LLGL2: variants seen among roughly 807,000 people sequenced by gnomAD.
LLGL2 encodes the protein LLGL scribble cell polarity complex component 2.
Under a neutral mutation model 123.2 loss-of-function variants are expected in LLGL2, and 81 were observed. The ratio of observed to expected loss-of-function variants is 0.66; its 90% confidence interval spans 0.55 to 0.79. The LOEUF is 0.79. Ranked by LOEUF, LLGL2 falls within the 30% of genes least tolerant of loss-of-function variation. The pLI is 0.00. For synonymous variants in LLGL2, 577 were observed against 594.1 expected (o/e 0.97, Z 0.42); for missense variants, 1,273 against 1,414.6 (o/e 0.90, Z 1.61).
chr17:75,555,828 C>T (rs1382085940), intron 2 of LLGL2, among the ~76,000 whole-genome samples: 1 of 152,140 alleles, frequency 6.6e-6, no homozygotes, highest in Non-Finnish European at 1.5e-5. Flanking sequence ...AAGATCAGCT[C>T]GCAGGGGTGG....
rs954347628 is a variant in LLGL2 at position 75,559,521 on chromosome 17, A to T, written c.530+111A>T. Reference sequence around the variant, plus strand: ...CTGTCATTTCTCTGCTGGGAATTCCATGGGGCTATAGCAGGGGAGGCTCTT... The same window carrying T: ...CTGTCATTTCTCTGCTGGGAATTCCTTGGGGCTATAGCAGGGGAGGCTCTT... On this transcript the variant is annotated intron_variant, in intron 6 of 25. Coordinates refer to ENST00000392550, the MANE Select transcript of LLGL2 (RefSeq NM_001031803.2). This position sits in a 1 kb window ranked among gnomAD's most constrained non-coding sequence, Gnocchi z 4.6. The T allele has an allele frequency of 4.4e-6, 6 of 1,362,772 alleles. No homozygotes were observed. In the African/African-American group the frequency reaches 8.7e-5, roughly 20 times the overall value. The allele number at this position is 1,362,772 out of a possible 1,614,324, so 84.4% of individuals were successfully genotyped here. A position where few individuals can be genotyped will look rare whatever the true frequency, so the allele number is the denominator to read the frequency against.
chr17:75,554,855 C>T (rs1213581121), intron 2 of LLGL2, among the ~76,000 whole-genome samples: 3 of 148,598 alleles, frequency 2.0e-5, no homozygotes, highest in Non-Finnish European at 4.4e-5. Context: ...CACCACTGCA[C>T]TCCAGCCTGG....
rs1568052399 is a variant in LLGL2 at position 75,558,926 on chromosome 17, ACCTCCTCCATCCGCACCC to A, written c.371+301_372-307del. 5.6e-4 allele frequency: 63 copies of A among 111,752 alleles called. No individual in the cohort carries two copies. The highest frequency in any genetic ancestry group is 5.1e-4 in the Non-Finnish European group (29 of 56,992). The allele number at this position is 111,752 out of a possible 1,614,324, so 6.9% of individuals were successfully genotyped here. On this transcript the variant is annotated intron_variant, in intron 5 of 25. Transcript: ENST00000392550. This position sits in a 1 kb window ranked among gnomAD's most constrained non-coding sequence, Gnocchi z 4.0. ...ACCACGCCTCCTCCATCCGCACCCC[ACCTCCTCCATCCGCACCC>A]CGCCTCCTCCATCCGCACCCCGCCT...
At position 75,549,762 on chromosome 17, in the gene LLGL2, A is replaced by G. The variant is rs9911128; in HGVS notation, c.75+6261A>G. Among the ~76,000 whole-genome samples the G allele has an allele frequency of 0.32, 48,771 of 152,054 alleles. 8,800 individuals carry two copies. Among genetic ancestry groups the G allele is most frequent in the South Asian group, 0.57 (2,761 of 4,814 alleles). ...TGAGGAGTGCCAGGGACTCCTCCTC[A>G]GGTCCTAGCCCTTGGGCAGGGTCCT... On this transcript the variant is annotated intron_variant, in intron 2 of 25. Coordinates refer to ENST00000392550, the MANE Select transcript of LLGL2 (RefSeq NM_001031803.2). The surrounding 1 kb of genome is among the most constrained non-coding windows in gnomAD (Gnocchi z 4.0).
chr17:75,534,210 G>A (rs1042567141), intron 1 of LLGL2, among the ~76,000 whole-genome samples: 1 of 152,272 alleles, frequency 6.6e-6, no homozygotes, highest in Admixed American at 6.5e-5. Flanking sequence ...CCCCCAGAAT[G>A]GGGGTGCGTT....
At position 75,573,236 on chromosome 17, in the gene LLGL2, G is replaced by A. The variant is rs563930463; in HGVS notation, c.2683G>A (p.Val895Ile). The A allele has an allele frequency of 1.7e-5, 27 of 1,609,558 alleles. No individual in the cohort carries two copies. The highest frequency in any genetic ancestry group is 3.3e-5 in the Admixed American group (2 of 59,928). The change falls in exon 20 of 26, where the codon GTC becomes ATC. Residue 895 changes from valine to isoleucine, a missense_variant. Physicochemically the swap from Val to Ile is conservative, Grantham distance 29. Transcript: ENST00000392550. ...CTACAGCTGCATCCGCCGGGAGGAC[G>A]TCAGTGGCATCGCCTCCTGCGTCTT... is the stretch of plus-strand genomic sequence containing the variant. ...VRYSCIRRED[V>I]SGIASCVFTK...
At chr17:75,565,408 C>CA (rs770576019) in intron 10 of LLGL2, among the ~76,000 whole-genome samples, 1 of 152,234 alleles carries the variant, frequency 6.6e-6, no homozygotes, top group African/African-American at 2.4e-5. Context: ...TCTGTGTACT[C>CA]ACGGCCTCTA....
intron 8 of LLGL2, 71 bp downstream of exon 8, chr17:75,563,534 C>T: frequency 6.3e-7 from 1 of 1,587,830 alleles, no homozygotes; most frequent in East Asian, 2.2e-5. Context: ...TTGCTCAATT[C>T]TGAAGCAAAC....
intron 8 of LLGL2, 89 bp downstream of exon 8, chr17:75,563,552 C>T (rs2055318927): frequency 1.3e-6 from 2 of 1,561,000 alleles, no homozygotes; most frequent in Non-Finnish European, 1.7e-6. Flanking sequence ...AACTCCAGGG[C>T]CAGAGAGGGT....
intron 17 of LLGL2, 52 bp from the exon 18 acceptor site, chr17:75,571,615 C>A: frequency 7.1e-7 from 1 of 1,398,922 alleles, no homozygotes; most frequent in Non-Finnish European, 1.0e-6. Context: ...TTGCCCAGCT[C>A]CACCCGACTC....
At chr17:75,550,768 G>A (rs1441955440) in intron 2 of LLGL2, among the ~76,000 whole-genome samples, 1 of 124,684 alleles carries the variant, frequency 8.0e-6, no homozygotes, top group Non-Finnish European at 1.6e-5. Flanking sequence ...GCAACAGAGT[G>A]AGACCCTGTC....
intron 6 of LLGL2, 137 bp from the exon 7 acceptor site, chr17:75,562,879 G>A (rs1025760340): frequency 4.4e-5 from 49 of 1,122,416 alleles, no homozygotes; most frequent in Non-Finnish European, 5.5e-5. Context: ...CATCCACTGC[G>A]CCCAGCCCCT....
Position 75,565,558 on chromosome 17 carries a change from G to A in LLGL2, c.1036+1051G>A, listed in dbSNP as rs945996109. 2.0e-5 allele frequency among the ~76,000 whole-genome samples: 3 copies of A among 152,322 alleles called. No individual in the cohort carries two copies. The South Asian group carries it at 6.2e-4, about 32-fold the overall frequency. On this transcript the variant is annotated intron_variant, in intron 10 of 25. Coordinates refer to ENST00000392550, the MANE Select transcript of LLGL2 (RefSeq NM_001031803.2). ...TGGGCCATGTTGGCACAGAGCGGGG[G>A]CCTCTTGGGCTATGGTGGCCACACT...
At chr17:75,528,858 A>C (rs2053671129) in intron 1 of LLGL2, among the ~76,000 whole-genome samples, 1 of 152,136 alleles carries the variant, frequency 6.6e-6, no homozygotes, top group Non-Finnish European at 1.5e-5. Context: ...AAAGTGTAAA[A>C]TTAGAGAGCA....
chr17:75,535,817 G>A (rs1206529213), intron 1 of LLGL2, among the ~76,000 whole-genome samples: 1 of 152,220 alleles, frequency 6.6e-6, no homozygotes. Context: ...GAGCTCTCCT[G>A]TTCTTTCCAA....
chr17:75,566,035 C>CT (rs2055429441), intron 10 of LLGL2, among the ~76,000 whole-genome samples: 1 of 152,208 alleles, frequency 6.6e-6, no homozygotes, highest in Non-Finnish European at 1.5e-5. Flanking sequence ...CAAGGGTTGG[C>CT]AAGGCCTCCC....
chr17:75,533,234 C>G (rs555451854), intron 1 of LLGL2, among the ~76,000 whole-genome samples: 138 of 149,714 alleles, frequency 9.2e-4, no homozygotes, highest in African/African-American at 3.1e-3. Flanking sequence ...CTCCTGACCT[C>G]GTGATCTGCC....
chr17:75,525,552 C>A (rs572073106), upstream of LLGL2, among the ~76,000 whole-genome samples: 58 of 151,034 alleles, frequency 3.8e-4, 1 homozygote, highest in South Asian at 9.5e-3. The surrounding 1 kb of genome is among the most constrained non-coding windows in gnomAD (Gnocchi z 4.8). Context: ...TTCCCGGGGC[C>A]GCGGATTGGC....
At position 75,574,909 on chromosome 17, in the gene LLGL2, A is replaced by G. The variant is rs781281059; in HGVS notation, c.*31A>G. The G allele has an allele frequency of 6.2e-7, 1 of 1,613,876 alleles. No homozygotes were observed. The highest frequency in any genetic ancestry group is 8.5e-7 in the Non-Finnish European group (1 of 1,179,916). On this transcript the variant is annotated 3_prime_UTR_variant, in exon 26 of 26. Transcript: ENST00000392550. ...TGAGCGTCCAGGCTGCGCGATGAGC[A>G]CACACTACTACTGATGGCCTTTCGG...
Sources: gnomAD v4.1 joint callset for allele counts (sites outside exome capture counted in the v4.1 genomes callset) on GRCh38, gnomAD v4.1.1 for gene constraint, Gnocchi (gnomAD v3.1) non-coding constraint, MANE v1.5 for transcripts, NCBI Gene and HGNC (gene_info 2026-07-23, HGNC 2026-07-21) for gene names.